Variants in DENND2C observed in about 807,000 individuals in gnomAD.
DENND2C encodes DENN domain containing 2C, also known as DENN domain-containing protein 2C.
In DENND2C, 72 loss-of-function variants were observed where a neutral mutation model predicts 112.4. That is an observed-to-expected ratio of 0.64 (90% CI 0.53 to 0.78). The LOEUF (loss-of-function observed/expected upper bound fraction) is 0.78, where lower values mean the gene tolerates loss of function less well. Ranked by LOEUF, DENND2C falls within the 30% of genes least tolerant of loss-of-function variation. The pLI, the probability that DENND2C is intolerant of heterozygous loss-of-function variation, is 0.00. For missense variants in DENND2C, 992 were observed against 1,113.8 expected, an observed-to-expected ratio of 0.89 and a Z score of 1.56; for synonymous variants, 329 against 381.6, an observed-to-expected ratio of 0.86 and a Z score of 1.61.
chr1:114,659,167 T>C (rs1169979226), intron 1 of DENND2C, among the ~76,000 whole-genome samples: 3 of 152,184 alleles, frequency 2.0e-5, no homozygotes, highest in Non-Finnish European at 4.4e-5. Context: ...CTCTATATTT[T>C]ATTTTGTTCA....
intron 1 of DENND2C, among the ~76,000 whole-genome samples, chr1:114,663,169 T>A (rs1169600474): frequency 1.3e-5 from 2 of 152,234 alleles, no homozygotes; most frequent in Non-Finnish European, 2.9e-5. Context: ...TAAAACTTAT[T>A]CATTCAGGGC....
chr1:114,647,340 G>T (rs1657021372), intron 2 of DENND2C, among the ~76,000 whole-genome samples: 1 of 151,116 alleles, frequency 6.6e-6, no homozygotes, highest in Non-Finnish European at 1.5e-5. Context: ...AATTGTGTAT[G>T]TTTATGGAGT....
At chr1:114,621,086 T>C (rs2101663221) in intron 7 of DENND2C, among the ~76,000 whole-genome samples, 1 of 152,248 alleles carries the variant, frequency 6.6e-6, no homozygotes, top group East Asian at 1.9e-4. Flanking sequence ...ACAGAGAAAG[T>C]TTAAAATTTT....
chr1:114,600,672 A>G (rs1655475400), intron 14 of DENND2C, 148 bp downstream of exon 14: 3 of 1,124,424 alleles, frequency 2.7e-6, no homozygotes, highest in Non-Finnish European at 3.7e-6. Flanking sequence ...GATCAACTGG[A>G]TATTTCTCCA....
intron 7 of DENND2C, among the ~76,000 whole-genome samples, chr1:114,620,716 T>C (rs192154793): frequency 9.9e-5 from 15 of 152,256 alleles, no homozygotes; most frequent in Admixed American, 7.2e-4. Context: ...CACAGAAAGA[T>C]AAACAGTTAC....
At chr1:114,639,583 GAAA>G (rs11346651) in intron 3 of DENND2C, among the ~76,000 whole-genome samples, 5 of 130,086 alleles carry the variant, frequency 3.8e-5, no homozygotes, top group Admixed American at 7.7e-5. Flanking sequence ...ACTCCATCTT[GAAA>G]AAAAAAAAAA....
intron 1 of DENND2C, among the ~76,000 whole-genome samples, chr1:114,665,095 A>G (rs1657609472): frequency 6.6e-6 from 1 of 151,738 alleles, no homozygotes; most frequent in Admixed American, 6.6e-5. Flanking sequence ...CTCTGTCTCA[A>G]GAAAAATAAA....
intron 11 of DENND2C, among the ~76,000 whole-genome samples, chr1:114,603,551 A>G (rs1655578915): frequency 7.1e-6 from 1 of 140,542 alleles, no homozygotes; most frequent in Non-Finnish European, 1.6e-5. Flanking sequence ...TTTTATTATT[A>G]TTATTATTAT....
At chr1:114,602,928 T>C (rs1031034776) in intron 11 of DENND2C, among the ~76,000 whole-genome samples, 1 of 152,218 alleles carries the variant, frequency 6.6e-6, no homozygotes, top group Non-Finnish European at 1.5e-5. Context: ...AGACTTTTGA[T>C]ACGTTATTTC....
rs1557943833 is a variant in DENND2C, at chr1:114,608,837, GA to G, written c.1405del (p.Ser469ProfsTer38). On this transcript the variant is annotated frameshift_variant, in exon 10 of 21. Transcript: ENST00000393274. LOFTEE classifies it high-confidence loss of function. ...GGTCTGGTAGTGAGGATTCCTCTTG[GA>G]AGACGGTTGCAGTTGTGCTAAGCGT... ...HKRLAQLQPS[S>X]KRNPHYQTLE... 1.2e-6 allele frequency: 2 copies of G among 1,614,190 alleles called. No homozygotes were observed.
intron 6 of DENND2C, among the ~76,000 whole-genome samples, chr1:114,622,339 C>T (rs1656189864): frequency 6.6e-6 from 1 of 152,000 alleles, no homozygotes; most frequent in Non-Finnish European, 1.5e-5. Flanking sequence ...TAGTCTCAAA[C>T]TCCTGGGCTC....
At chr1:114,633,453 A>G (rs1044134556) in intron 3 of DENND2C, among the ~76,000 whole-genome samples, 1 of 150,606 alleles carries the variant, frequency 6.6e-6, no homozygotes, top group Non-Finnish European at 1.5e-5. Flanking sequence ...AAAAAAAAAA[A>G]AAAAAAAAAG....
chr1:114,668,769 T>C (rs1657712016), intron 1 of DENND2C, among the ~76,000 whole-genome samples: 1 of 152,156 alleles, frequency 6.6e-6, no homozygotes, highest in African/African-American at 2.4e-5. Context: ...TGAAAAAATA[T>C]GGCTATATAT....
At chr1:114,662,165 A>AG in intron 1 of DENND2C, among the ~76,000 whole-genome samples, 2 of 152,362 alleles carry the variant, frequency 1.3e-5, no homozygotes, top group African/African-American at 4.8e-5. Flanking sequence ...CTATTATTAT[A>AG]GCCTTAATAG....
rs894022129 is a variant in DENND2C, at chr1:114,602,109, C to G, written c.1737+16G>C. ...TCCTTGACCAACCCTGTCTGTAACA[C>G]AAATCTGATACTTACCAAGAGCTTC... is the stretch of plus-strand genomic sequence containing the variant. On this transcript the variant is annotated intron_variant, in intron 12 of 20. Coordinates refer to ENST00000393274, the MANE Select transcript of DENND2C (RefSeq NM_001256404.2). 6.2e-7 allele frequency: 1 copy of G among 1,613,414 alleles called. No homozygotes were observed. The highest frequency in any genetic ancestry group is 8.5e-7 in the Non-Finnish European group (1 of 1,179,596).
chr1:114,632,206 G>A (rs372683578), intron 3 of DENND2C, among the ~76,000 whole-genome samples: 9 of 152,108 alleles, frequency 5.9e-5, no homozygotes, highest in Non-Finnish European at 1.2e-4. Flanking sequence ...AACTGGAGTC[G>A]CAGAAATGAA....
At chr1:114,645,188 C>T (rs1332058969) in intron 3 of DENND2C, among the ~76,000 whole-genome samples, 1 of 152,072 alleles carries the variant, frequency 6.6e-6, no homozygotes, top group Non-Finnish European at 1.5e-5. Context: ...TGTTATAGAT[C>T]GAACCGTGTC....
At chr1:114,622,443 TCATA>T (rs1656191993) in intron 6 of DENND2C, among the ~76,000 whole-genome samples, 1 of 152,134 alleles carries the variant, frequency 6.6e-6, no homozygotes, top group African/African-American at 2.4e-5. Flanking sequence ...GCCTGTATTA[TCATA>T]CAAAGTCAAA....
At chr1:114,604,839 T>C in intron 11 of DENND2C, 83 bp downstream of exon 11, 2 of 966,140 alleles carry the variant, frequency 2.1e-6, no homozygotes, top group South Asian at 2.7e-5. Context: ...ATAGCTTCAC[T>C]AATGGCTGTA....
Sources: allele counts gnomAD v4.1 joint callset (sites outside exome capture counted in the v4.1 genomes callset), GRCh38; gene constraint gnomAD v4.1.1; transcripts MANE v1.5; gene names NCBI Gene and HGNC (gene_info 2026-07-23, HGNC 2026-07-21).